The following COL8A1 variants were observed in gnomAD, a reference collection of about 807,000 sequenced individuals.
COL8A1 encodes collagen type VIII alpha 1 chain.
COL8A1 carries 21 observed loss-of-function variants against 42.7 expected under a neutral mutation model. The observed-to-expected ratio is 0.49, with a 90% CI of 0.35 to 0.71. The LOEUF is 0.71. Ranked by LOEUF, COL8A1 falls within the 30% of genes least tolerant of loss-of-function variation. The probability of loss-of-function intolerance (pLI) is 0.01; values close to 1 mark genes in which losing one functional copy is unlikely to be tolerated. For synonymous variants in COL8A1, 367 were observed against 369.1 expected (o/e 0.99, Z 0.06); for missense variants, 788 against 962.4 (o/e 0.82, Z 2.40).
intron 1 of COL8A1, among the ~76,000 whole-genome samples, chr3:99,674,692 G>A (rs1938641375): frequency 6.6e-6 from 1 of 152,064 alleles, no homozygotes; most frequent in African/African-American, 2.4e-5. Flanking sequence ...GGCCAGCACA[G>A]AAAGAATTGC....
intron 1 of COL8A1, among the ~76,000 whole-genome samples, chr3:99,672,506 C>G (rs1358468839): frequency 1.3e-5 from 2 of 151,300 alleles, no homozygotes; most frequent in African/African-American, 2.4e-5. Context: ...AAAACATTTT[C>G]TTTTTAATAA....
chr3:99,727,225 G>T (rs1330632856), intron 1 of COL8A1, among the ~76,000 whole-genome samples: 2 of 151,948 alleles, frequency 1.3e-5, no homozygotes, highest in Non-Finnish European at 2.9e-5. Flanking sequence ...GTCTGTTATT[G>T]GTGTATAAGA....
chr3:99,642,493 A>G (rs1232164791), intron 1 of COL8A1, among the ~76,000 whole-genome samples: 5 of 152,238 alleles, frequency 3.3e-5, no homozygotes, highest in Admixed American at 3.3e-4. Context: ...TCAATGTAGG[A>G]TAAGAGCAAA....
intron 1 of COL8A1, among the ~76,000 whole-genome samples, chr3:99,743,470 A>C (rs1940948121): frequency 6.6e-6 from 1 of 152,070 alleles, no homozygotes; most frequent in Non-Finnish European, 1.5e-5. Context: ...GTACTTTAGG[A>C]ACATTACTGC....
intron 1 of COL8A1, chr3:99,677,654 C>G (rs548635421): frequency 3.3e-5 from 5 of 152,208 alleles, no homozygotes; most frequent in African/African-American, 1.2e-4. Flanking sequence ...CTGAATACTA[C>G]GTCAGGCAAG....
At chr3:99,709,075 G>T (rs1669902559) in intron 1 of COL8A1, among the ~76,000 whole-genome samples, 1 of 128,170 alleles carries the variant, frequency 7.8e-6, no homozygotes, top group African/African-American at 3.1e-5. Flanking sequence ...TGGCCATCTT[G>T]GCCCTTTTTG....
chr3:99,693,031 T>G (rs1003806410), intron 1 of COL8A1, among the ~76,000 whole-genome samples: 3 of 152,094 alleles, frequency 2.0e-5, no homozygotes, highest in African/African-American at 7.2e-5. Context: ...TGGTGGCGTG[T>G]GTTTGTAATC....
chr3:99,739,558 T>C (rs1940838750), intron 1 of COL8A1, among the ~76,000 whole-genome samples: 1 of 152,204 alleles, frequency 6.6e-6, no homozygotes. Context: ...TCTTGACTGC[T>C]GTGTACCCAC....
rs1231349256 is a variant in COL8A1, at chr3:99,794,675, G to A, written c.774G>A (p.Gly258=). 1 of 1,613,486 alleles carries A rather than the reference G, an allele frequency of 6.2e-7. No homozygotes were observed. Among genetic ancestry groups the A allele is most frequent in the Non-Finnish European group, 8.5e-7 (1 of 1,179,798 alleles). Residue 258 remains glycine (G), a synonymous_variant, in exon 4 of 4, where the codon GGG becomes GGA. Transcript: ENST00000652472. This position sits in a 1 kb window ranked among gnomAD's most constrained non-coding sequence, Gnocchi z 4.3. ...PGAPGVKGPP[G]MHGPPGPVGL... ...CGCCAGGTGTAAAGGGGCCTCCAGG[G>A]ATGCACGGCCCTCCCGGCCCTGTTG...
chr3:99,642,641 C>T (rs937309655), intron 1 of COL8A1, among the ~76,000 whole-genome samples: 1 of 152,148 alleles, frequency 6.6e-6, no homozygotes, highest in African/African-American at 2.4e-5. Context: ...TTCAGCAAAC[C>T]TTTCAGGATG....
At chr3:99,682,735 T>G (rs1481229379) in intron 1 of COL8A1, among the ~76,000 whole-genome samples, 3 of 152,112 alleles carry the variant, frequency 2.0e-5, no homozygotes, top group African/African-American at 7.3e-5. Context: ...ATGCTCAATT[T>G]CCTCTCTTAC....
chr3:99,734,289 C>T (rs1000769421), intron 1 of COL8A1, among the ~76,000 whole-genome samples: 2 of 139,786 alleles, frequency 1.4e-5, no homozygotes, highest in Admixed American at 6.8e-5. Context: ...TTAGGTCTAA[C>T]ATTTAAGTCT....
At chr3:99,681,475 A>G (rs1440821595) in intron 1 of COL8A1, among the ~76,000 whole-genome samples, 1 of 152,224 alleles carries the variant, frequency 6.6e-6, no homozygotes, top group Non-Finnish European at 1.5e-5. Context: ...GAGGAATTAA[A>G]AAAAAGATTT....
intron 1 of COL8A1, among the ~76,000 whole-genome samples, chr3:99,722,865 C>T (rs1378977323): frequency 2.0e-5 from 3 of 151,838 alleles, no homozygotes; most frequent in African/African-American, 7.3e-5. Context: ...TAAATAACGT[C>T]GATTGGAACT....
At chr3:99,742,481 C>T (rs895773212) in intron 1 of COL8A1, among the ~76,000 whole-genome samples, 2 of 152,170 alleles carry the variant, frequency 1.3e-5, no homozygotes, top group African/African-American at 4.8e-5. Flanking sequence ...AATTGTAGCA[C>T]TCTTTCTCAC....
chr3:99,648,466 T>G (rs1013268946), intron 1 of COL8A1, among the ~76,000 whole-genome samples: 5 of 150,114 alleles, frequency 3.3e-5, no homozygotes, highest in African/African-American at 4.9e-5. Context: ...TTCTTTTTTG[T>G]TTTTTTTAAT....
At chr3:99,700,776 C>G (rs1376130148) in intron 1 of COL8A1, among the ~76,000 whole-genome samples, 1 of 152,158 alleles carries the variant, frequency 6.6e-6, no homozygotes, top group Non-Finnish European at 1.5e-5. Flanking sequence ...CAAAACATGG[C>G]TGAGTCATCC....
Position 99,668,882 on chromosome 3 carries a change from A to T in COL8A1, c.-129+30218A>T, listed in dbSNP as rs572203964. Among the ~76,000 whole-genome samples the T allele has an allele frequency of 3.9e-4, 60 of 152,144 alleles. 1 individual carries two copies. Among genetic ancestry groups the T allele is most frequent in the African/African-American group, 1.2e-3 (51 of 41,550 alleles). ...GAAGAGTAAAATAAACAAATTGACA[A>T]GTAAATTACTGCATAACACATTACT... On this transcript the variant is annotated intron_variant, in intron 1 of 3. Transcript: ENST00000652472.
chr3:99,764,701 C>CTTTTTTTTTTTTTT (rs10648559), intron 2 of COL8A1, among the ~76,000 whole-genome samples: 3 of 125,050 alleles, frequency 2.4e-5, no homozygotes, highest in Non-Finnish European at 4.8e-5. Context: ...TCTTTTTTTT[C>CTTTTTTTTTTTTTT]TTTTTTTTTT....
Sources: gnomAD v4.1 joint callset for allele counts (sites outside exome capture counted in the v4.1 genomes callset) on GRCh38, gnomAD v4.1.1 for gene constraint, Gnocchi (gnomAD v3.1) non-coding constraint, MANE v1.5 for transcripts, NCBI Gene and HGNC (gene_info 2026-07-23, HGNC 2026-07-21) for gene names.